The following PRKN variants were observed in gnomAD, a reference collection of about 807,000 sequenced individuals.
The protein encoded by PRKN is parkin RBR E3 ubiquitin protein ligase, also known as E3 ubiquitin-protein ligase parkin.
PRKN carries 56 observed loss-of-function variants against 59.5 expected under a neutral mutation model. The observed-to-expected ratio is 0.94, with a 90% CI of 0.76 to 1.18. The LOEUF (loss-of-function observed/expected upper bound fraction) is 1.18, where lower values mean the gene tolerates loss of function less well. Ranked by LOEUF, PRKN falls within the 50% of genes most tolerant of loss-of-function variation. The pLI, the probability that PRKN is intolerant of heterozygous loss-of-function variation, is 0.00. For synonymous variants in PRKN, 250 were observed against 222.1 expected (o/e 1.13, Z -1.12); for missense variants, 657 against 596.4 (o/e 1.10, Z -1.06).
intron 1 of PRKN, among the ~76,000 whole-genome samples, chr6:162,692,654 G>C (rs1487352429): frequency 6.6e-6 from 1 of 151,576 alleles, no homozygotes; most frequent in African/African-American, 2.4e-5. Flanking sequence ...ACACATCATT[G>C]CTGGGAGAAT....
chr6:162,261,357 G>C (rs1779878136), intron 3 of PRKN, among the ~76,000 whole-genome samples: 1 of 152,030 alleles, frequency 6.6e-6, no homozygotes, highest in Non-Finnish European at 1.5e-5. Flanking sequence ...GGCATATTTT[G>C]GGGTGGCATA....
At chr6:162,204,536 T>A (rs1050048453) in intron 3 of PRKN, among the ~76,000 whole-genome samples, 16 of 152,210 alleles carry the variant, frequency 1.1e-4, no homozygotes, top group African/African-American at 3.9e-4. Context: ...GTGAAACTGC[T>A]CATGTTTATA....
chr6:161,415,867 G>T (rs893163825), intron 9 of PRKN, among the ~76,000 whole-genome samples: 19 of 152,102 alleles, frequency 1.2e-4, no homozygotes, highest in African/African-American at 4.1e-4. Flanking sequence ...TCCTGGAGCT[G>T]CATTGCTCTC....
At chr6:162,361,687 T>C (rs1785150293) in intron 2 of PRKN, among the ~76,000 whole-genome samples, 1 of 152,200 alleles carries the variant, frequency 6.6e-6, no homozygotes, top group Admixed American at 6.6e-5. Flanking sequence ...GCCACATTGA[T>C]TTTTGCAGCA....
chr6:162,174,349 A>C (rs1783435529), intron 4 of PRKN, among the ~76,000 whole-genome samples: 1 of 152,190 alleles, frequency 6.6e-6, no homozygotes, highest in Non-Finnish European at 1.5e-5. Context: ...GCTAAATAAA[A>C]GTCAGCTGAA....
chr6:162,255,821 T>A (rs1274424349), intron 3 of PRKN, among the ~76,000 whole-genome samples: 2 of 152,190 alleles, frequency 1.3e-5, no homozygotes, highest in Non-Finnish European at 2.9e-5. Context: ...AATTCTGTAT[T>A]CAGTGCGTAG....
intron 1 of PRKN, among the ~76,000 whole-genome samples, chr6:162,572,941 C>A (rs1463105394): frequency 6.6e-6 from 1 of 152,098 alleles, no homozygotes; most frequent in Non-Finnish European, 1.5e-5. Context: ...TGTGTCACCC[C>A]CTGTCATTAA....
intron 4 of PRKN, among the ~76,000 whole-genome samples, chr6:162,061,523 C>G (rs1778104742): frequency 6.6e-6 from 1 of 152,136 alleles, no homozygotes; most frequent in Non-Finnish European, 1.5e-5. Flanking sequence ...ATGTCACTTT[C>G]TACAGCATGC....
chr6:162,510,510 T>C (rs796533203), intron 1 of PRKN, among the ~76,000 whole-genome samples: 2 of 152,302 alleles, frequency 1.3e-5, no homozygotes, highest in African/African-American at 4.8e-5. Context: ...CAGGGACTGC[T>C]CTCTGGGGAG....
rs572592046 is a variant in PRKN at position 162,096,571 on chromosome 6, G to C, written c.535-42397C>G. ...GGGAGGCACCTGGCAGAAGATAACT[G>C]AATCATGGGGGTGGTTTATCCCACA... On this transcript the variant is annotated intron_variant, in intron 4 of 11. Coordinates refer to ENST00000366898, the MANE Select transcript of PRKN (RefSeq NM_004562.3). 2.6e-5 allele frequency among the ~76,000 whole-genome samples: 4 copies of C among 152,232 alleles called. No homozygotes were observed. The South Asian group carries it at 8.3e-4, about 32-fold the overall frequency.
rs887892386 is a variant in PRKN at position 161,467,906 on chromosome 6, CTT to C, written c.1083+80946_1083+80947del. On this transcript the variant is annotated intron_variant, in intron 9 of 11. Transcript: ENST00000366898. The surrounding 1 kb of genome is among the most constrained non-coding windows in gnomAD (Gnocchi z 4.3). ...CTGTCCGTCAGTTGCATACTTCCAG[CTT>C]TTTTTTTTCATGTGAGAAAGAGTAA... 4.0e-5 allele frequency among the ~76,000 whole-genome samples: 6 copies of C among 149,326 alleles called. No individual in the cohort carries two copies. Among genetic ancestry groups the C allele is most frequent in the Admixed American group, 4.0e-4 (6 of 14,964 alleles).
At chr6:161,782,105 G>A (rs1790230768) in intron 7 of PRKN, among the ~76,000 whole-genome samples, 1 of 151,986 alleles carries the variant, frequency 6.6e-6, no homozygotes, top group Non-Finnish European at 1.5e-5. Context: ...TGAAAATACG[G>A]GTGCACACAA....
At chr6:161,757,833 A>ATCTCTCTCCCTGTCTCTC (rs1554301288) in intron 7 of PRKN, among the ~76,000 whole-genome samples, 3 of 37,626 alleles carry the variant, frequency 8.0e-5, no homozygotes, top group Non-Finnish European at 1.2e-4. Context: ...GCAAAACTCC[A>ATCTCTCTCCCTGTCTCTC]TCTCTCTCTC....
intron 5 of PRKN, among the ~76,000 whole-genome samples, chr6:162,041,133 T>C (rs1299370016): frequency 6.6e-6 from 1 of 151,960 alleles, no homozygotes; most frequent in Non-Finnish European, 1.5e-5. Context: ...TGCGACCAGC[T>C]GAGATCGCAC....
intron 3 of PRKN, among the ~76,000 whole-genome samples, chr6:162,210,102 T>TAAAA: frequency 6.7e-5 from 10 of 149,038 alleles, no homozygotes; most frequent in African/African-American, 2.5e-4. Flanking sequence ...TAAAGTATAA[T>TAAAA]AATAAAAAAT....
At chr6:162,453,435 A>C (rs1056811459) in intron 1 of PRKN, among the ~76,000 whole-genome samples, 2 of 152,154 alleles carry the variant, frequency 1.3e-5, no homozygotes, top group Admixed American at 1.3e-4. Context: ...AATGAGAGGT[A>C]GGAAAAAGGC....
chr6:161,996,439 T>C (rs1301984306), intron 5 of PRKN, among the ~76,000 whole-genome samples: 1 of 152,156 alleles, frequency 6.6e-6, no homozygotes, highest in Non-Finnish European at 1.5e-5. Context: ...ACCCCGCTTA[T>C]TTTCTTTTTG....
intron 7 of PRKN, among the ~76,000 whole-genome samples, chr6:161,651,726 T>C (rs1784155748): frequency 6.6e-6 from 1 of 152,178 alleles, no homozygotes; most frequent in Admixed American, 6.5e-5. Context: ...TGATATACCT[T>C]TTAAAGTTCA....
intron 1 of PRKN, among the ~76,000 whole-genome samples, chr6:162,587,625 CAT>C (rs1263505585): frequency 6.6e-6 from 1 of 151,952 alleles, no homozygotes; most frequent in African/African-American, 2.4e-5. Context: ...TGAAAATAAA[CAT>C]TACTGTGTTG....
Sources: gnomAD v4.1 joint callset for allele counts (sites outside exome capture counted in the v4.1 genomes callset) on GRCh38, gnomAD v4.1.1 for gene constraint, Gnocchi (gnomAD v3.1) non-coding constraint, MANE v1.5 for transcripts, NCBI Gene and HGNC (gene_info 2026-07-23, HGNC 2026-07-21) for gene names.